Variants in ZC3H11A observed in about 807,000 individuals in gnomAD.
The protein encoded by ZC3H11A is zinc finger CCCH-type containing 11A, also known as zinc finger CCCH domain-containing protein 11A.
Under a neutral mutation model 90.8 loss-of-function variants are expected in ZC3H11A, and 22 were observed. The observed-to-expected ratio is 0.24, with a 90% CI of 0.17 to 0.35. The LOEUF (loss-of-function observed/expected upper bound fraction) is 0.35. Ranked by LOEUF, ZC3H11A falls within the 10% of genes least tolerant of loss-of-function variation. The probability of loss-of-function intolerance (pLI) is 1.00; values close to 1 mark genes in which losing one functional copy is unlikely to be tolerated. For synonymous variants in ZC3H11A, 294 were observed against 339.8 expected, an observed-to-expected ratio of 0.87 and a Z score of 1.48; for missense variants, 701 against 964.9, an observed-to-expected ratio of 0.73 and a Z score of 3.62.
In ZC3H11A at chr1:203,847,209, C is replaced by G. The variant is rs1205915069; in HGVS notation, c.1068C>G (p.Ile356Met). The change falls in exon 13 of 18, where the codon ATC (isoleucine) becomes ATG (methionine). Residue 356 changes from isoleucine (I) to methionine (M), a missense_variant. By Grantham distance (10) the Ile-to-Met change is conservative. Coordinates refer to ENST00000367210, the MANE Select transcript of ZC3H11A (RefSeq NM_001376342.1). ...ATAAAGTTAATAAAGTTGGTGAGAT[C>G]CATGTGAAGACATTAGAAGAAATTC... Reference protein sequence around the residue: ...ATDKVNKVGEIHVKTLEEILL... With the variant: ...ATDKVNKVGEMHVKTLEEILL... 1.9e-6 allele frequency: 3 copies of G among 1,613,226 alleles called. No individual in the cohort carries two copies. The highest frequency in any genetic ancestry group is 2.5e-6 in the Non-Finnish European group (3 of 1,179,764).
At chr1:203,815,539 A>T (rs1266805180) in intron 2 of ZC3H11A, among the ~76,000 whole-genome samples, 1 of 152,006 alleles carries the variant, frequency 6.6e-6, no homozygotes, top group Non-Finnish European at 1.5e-5. Context: ...TTAAAACAAG[A>T]TTGTGATAAC....
rs919568716 is a variant in ZC3H11A, at chr1:203,829,366, A to G, written c.299-85A>G. The G allele has an allele frequency of 3.8e-5, 51 of 1,329,258 alleles. 1 individual carries two copies. The Admixed American group carries it at 5.1e-4, about 13-fold the overall frequency. 82.3% of individuals were successfully genotyped at this position (1,329,258 alleles called of 1,614,324 possible). A position where few individuals can be genotyped will look rare whatever the true frequency, so the allele number is the denominator to read the frequency against. On this transcript the variant is annotated intron_variant, in intron 5 of 17. Transcript: ENST00000367210. Reference sequence around the variant, plus strand: ...TAAATGCTCATAAGACAAATACACTATAGTTTTCATAGGTGGTCAGGAATT... The same window carrying G: ...TAAATGCTCATAAGACAAATACACTGTAGTTTTCATAGGTGGTCAGGAATT...
At chr1:203,796,394 C>T (rs554321532) in intron 1 of ZC3H11A, 2 of 399,048 alleles carry the variant, frequency 5.0e-6, no homozygotes, top group African/African-American at 2.1e-5. Context: ...ACACTCCCAC[C>T]CCTGGCCCTC....
chr1:203,850,608 C>G lies in ZC3H11A; in HGVS notation c.2033C>G (p.Ala678Gly), dbSNP rs749967233. The change falls in exon 16 of 18, where the codon GCT becomes GGT. Residue 678 changes from alanine to glycine, a missense_variant. Ala to Gly is a moderately conservative substitution (Grantham distance 60, BLOSUM62 0). Transcript: ENST00000367210. ...CGTAAGGCAGTGGAGATGCACGCTG[C>G]TGTCATTGCCGCTGTGAAGCCACTC... is the stretch of plus-strand genomic sequence containing the variant. ...PKRKAVEMHAAVIAAVKPLSS... is the reference protein window; with the variant it reads ...PKRKAVEMHAGVIAAVKPLSS... 6 of 1,614,154 alleles carry G rather than the reference C, an allele frequency of 3.7e-6. No homozygotes were observed. The highest frequency in any genetic ancestry group is 1.3e-5 in the African/African-American group (1 of 75,052).
chr1:203,833,232 G>A (rs1362994895), intron 9 of ZC3H11A, among the ~76,000 whole-genome samples: 1 of 152,110 alleles, frequency 6.6e-6, no homozygotes, highest in East Asian at 1.9e-4. Context: ...GCTGGGCATG[G>A]TGGTGCACGC....
intron 2 of ZC3H11A, among the ~76,000 whole-genome samples, chr1:203,804,127 T>G (rs1169372197): frequency 6.6e-6 from 1 of 151,484 alleles, no homozygotes; most frequent in Non-Finnish European, 1.5e-5. Flanking sequence ...TCTTGCATAC[T>G]TCTTCATTTT....
intron 1 of ZC3H11A, chr1:203,800,239 T>G (rs1309373862): frequency 2.4e-6 from 3 of 1,262,414 alleles, no homozygotes; most frequent in Non-Finnish European, 3.3e-6. Context: ...ATCCAGTATC[T>G]AAGTTGCCCC....
chr1:203,803,747 A>C (rs1017645420), intron 2 of ZC3H11A, among the ~76,000 whole-genome samples: 8 of 152,140 alleles, frequency 5.3e-5, no homozygotes, highest in African/African-American at 1.9e-4. Flanking sequence ...CTGGAACTAC[A>C]GGTGTGCCCC....
intron 10 of ZC3H11A, among the ~76,000 whole-genome samples, chr1:203,837,354 A>G (rs932296457): frequency 9.9e-5 from 15 of 150,882 alleles, no homozygotes; most frequent in African/African-American, 3.6e-4. Context: ...CTGAACTTTA[A>G]TCTCAACCAG....
chr1:203,847,808 C>G, intron 13 of ZC3H11A, 121 bp downstream of exon 13: 1 of 1,410,680 alleles, frequency 7.1e-7, no homozygotes, highest in Non-Finnish European at 9.5e-7. Flanking sequence ...GTTGAAAACA[C>G]TGAATTAAAT....
chr1:203,810,395 T>C (rs1200542731), intron 2 of ZC3H11A, among the ~76,000 whole-genome samples: 1 of 151,802 alleles, frequency 6.6e-6, no homozygotes, highest in African/African-American at 2.4e-5. Context: ...CTTATTTCCT[T>C]TTTCTTGTTT....
At chr1:203,799,007 T>G (rs913506689) in intron 1 of ZC3H11A, 4 of 1,536,184 alleles carry the variant, frequency 2.6e-6, no homozygotes, top group Non-Finnish European at 3.5e-6. Flanking sequence ...CCACTGACTA[T>G]TTTATTGTGA....
intron 1 of ZC3H11A, chr1:203,799,873 A>G: frequency 6.5e-7 from 1 of 1,535,664 alleles, no homozygotes. Context: ...TTTTTTCCTC[A>G]AGGTGCTGAT....
At position 203,830,925 on chromosome 1, in the gene ZC3H11A, A is replaced by ATTT. The variant is rs774771270; in HGVS notation, c.701-700_701-698dup. On this transcript the variant is annotated intron_variant, in intron 8 of 17. Transcript: ENST00000367210. The stretch of plus-strand genomic sequence containing the variant: ...GATTGCTCTGTATTTCCAACCCCCA[A>ATTT]TTTTTTTTTTTTTTTTTTTTTTTTT... Among the ~76,000 whole-genome samples, 11 of 51,384 alleles carry ATTT rather than the reference A, an allele frequency of 2.1e-4. 1 individual carries two copies. The highest frequency in any genetic ancestry group is 7.1e-4 in the African/African-American group (10 of 14,090). 33.7% of individuals were successfully genotyped at this position (51,384 alleles called of 152,430 possible).
At position 203,831,655 on chromosome 1, in the gene ZC3H11A, A is replaced by T. The variant is rs899324869; in HGVS notation, c.701-6A>T. ...TATTTGCTGTTCTTTGACTTGCCTT[A>T]TTCAGAGGGTTCTTCAGGAGTTTCC... On this transcript the variant is annotated splice_polypyrimidine_tract_variant and splice_region_variant and intron_variant, in intron 8 of 17. Transcript: ENST00000367210. 2 of 1,609,330 alleles carry T rather than the reference A, an allele frequency of 1.2e-6. No homozygotes were observed. Among genetic ancestry groups the T allele is most frequent in the African/African-American group, 1.3e-5 (1 of 74,842 alleles).
chr1:203,797,945 T>A (rs910924915), intron 1 of ZC3H11A: 46 of 1,535,956 alleles, frequency 3.0e-5, no homozygotes, highest in Non-Finnish European at 3.6e-5. Flanking sequence ...TCTTTCATGT[T>A]GACCCCCAGT....
intron 1 of ZC3H11A, chr1:203,798,072 T>G: frequency 6.5e-7 from 1 of 1,536,140 alleles, no homozygotes; most frequent in Non-Finnish European, 8.7e-7. Flanking sequence ...TTCACCTCAT[T>G]GGACCAGGGC....
At chr1:203,820,809 A>G (rs1678385497) in intron 4 of ZC3H11A, among the ~76,000 whole-genome samples, 1 of 152,122 alleles carries the variant, frequency 6.6e-6, no homozygotes, top group South Asian at 2.1e-4. Context: ...ATCCCGTGGC[A>G]CACAGTTTTA....
intron 2 of ZC3H11A, among the ~76,000 whole-genome samples, chr1:203,812,578 A>T (rs1010235775): frequency 1.6e-4 from 17 of 109,306 alleles, no homozygotes; most frequent in South Asian, 1.1e-3. Flanking sequence ...GCCATTCTAA[A>T]TTTTTTTTTT....
Sources: allele counts gnomAD v4.1 joint callset (sites outside exome capture counted in the v4.1 genomes callset), GRCh38; gene constraint gnomAD v4.1.1; transcripts MANE v1.5; gene names NCBI Gene and HGNC (gene_info 2026-07-23, HGNC 2026-07-21).